UGT2B15: variants seen among roughly 807,000 people sequenced by gnomAD.
The protein encoded by UGT2B15 is UDP-glucuronosyltransferase 2B15.
A neutral mutation model predicts 45.9 loss-of-function variants in UGT2B15; 36 were observed. That is an observed-to-expected ratio of 0.78 (90% CI 0.60 to 1.04). UGT2B15 has a LOEUF of 1.04. Ranked by LOEUF, UGT2B15 falls within the 50% of genes least tolerant of loss-of-function variation. UGT2B15 has a pLI of 0.00. For synonymous variants in UGT2B15, 219 were observed against 216.4 expected, an observed-to-expected ratio of 1.01 and a Z score of -0.11; for missense variants, 617 against 622.4, an observed-to-expected ratio of 0.99 and a Z score of 0.09.
In UGT2B15 at chr4:68,670,085, G is replaced by C; in HGVS notation, c.534C>G (p.Gly178=). ...PFLYSLRFSV[G]YTFEKNGGGF... is the part of the protein sequence containing the mutation. ...CTCCACCATTCTTCTCAAATGTGTA[G>C]CCAACAGAGAATCGAAGACTGTACA... Residue 178 remains glycine, a synonymous_variant, in exon 1 of 6, where the codon GGC becomes GGG. Transcript: ENST00000338206. 1 of 1,614,104 alleles carries C rather than the reference G, an allele frequency of 6.2e-7. No individual in the cohort carries two copies. The highest frequency in any genetic ancestry group is 8.5e-7 in the Non-Finnish European group (1 of 1,179,998).
At chr4:68,648,008 C>T (rs1388649678) in intron 5 of UGT2B15, among the ~76,000 whole-genome samples, 1 of 152,026 alleles carries the variant, frequency 6.6e-6, no homozygotes, top group Non-Finnish European at 1.5e-5. Context: ...AGACATGAAC[C>T]ACTGTGCCCA....
chr4:68,657,622 G>T (rs555882559), intron 3 of UGT2B15, among the ~76,000 whole-genome samples: 1 of 152,078 alleles, frequency 6.6e-6, no homozygotes, highest in Non-Finnish European at 1.5e-5. Context: ...CAGAGTTTAT[G>T]TAAAATGAAG....
intron 3 of UGT2B15, among the ~76,000 whole-genome samples, chr4:68,661,492 C>T (rs528941523): frequency 6.6e-6 from 1 of 151,918 alleles, no homozygotes; most frequent in South Asian, 2.1e-4. Context: ...ATTTTATATA[C>T]TTTATACTAG....
chr4:68,654,132 G>C lies in UGT2B15; in HGVS notation c.1218C>G (p.His406Gln). 1.4e-5 allele frequency: 23 copies of C among 1,613,662 alleles called. 1 individual carries two copies. The highest frequency in any genetic ancestry group is 1.9e-5 in the Non-Finnish European group (23 of 1,179,726). Reference protein sequence around the residue: ...LFADQHDNIAHMKAKGAALSV... With the variant: ...LFADQHDNIAQMKAKGAALSV... ...TGAGGGCTGCTCCCTTGGCTTTCAT[G>C]TGAGCAATGTTATCATGTTGATCCG... The change falls in exon 5 of 6, where the codon CAC (histidine) becomes CAG (glutamine). Residue 406 changes from histidine to glutamine, a missense_variant. Coordinates refer to ENST00000338206, the MANE Select transcript of UGT2B15 (RefSeq NM_001076.4).
rs1305093061 is a variant in UGT2B15 at position 68,655,103 on chromosome 4, T to A, written c.1085A>T (p.Asp362Val). The change falls in exon 4 of 6, where the codon GAC becomes GTC. Residue 362 changes from aspartate (D) to valine (V), a missense_variant. Coordinates refer to ENST00000338206, the MANE Select transcript of UGT2B15 (RefSeq NM_001076.4). ...GTTCTCCAGAATCTTACCAAGAAGG[T>A]CATTCTGGGGTAACCACTTGTACAG... is the stretch of plus-strand genomic sequence containing the variant. The part of the protein sequence containing the change: ...TRLYKWLPQN[D>V]LLGHPKTKAF... 2 of 1,613,102 alleles carry A rather than the reference T, an allele frequency of 1.2e-6. No individual in the cohort carries two copies.
Position 68,669,828 on chromosome 4 carries a change from A to G in UGT2B15, c.724+67T>C, listed in dbSNP as rs745754272. 422 of 1,527,274 alleles carry G rather than the reference A, an allele frequency of 2.8e-4. 1 individual carries two copies. Among genetic ancestry groups the G allele is most frequent in the Non-Finnish European group, 3.5e-4 (399 of 1,141,388 alleles). 94.6% of individuals were successfully genotyped at this position (1,527,274 alleles called of 1,614,324 possible). On this transcript the variant is annotated intron_variant, in intron 1 of 5. Transcript: ENST00000338206. ...CACTATCTTCTGACATTATATTTAT[A>G]TAAGCTCACCTTCAAAGGCACAGAA...
intron 3 of UGT2B15, among the ~76,000 whole-genome samples, chr4:68,658,732 C>T (rs1314592738): frequency 1.3e-5 from 2 of 151,982 alleles, no homozygotes; most frequent in African/African-American, 4.8e-5. Context: ...TATTTCAAAG[C>T]TAAACCATAA....
chr4:68,664,266 CA>C (rs151053424), intron 2 of UGT2B15, among the ~76,000 whole-genome samples: 44 of 142,870 alleles, frequency 3.1e-4, no homozygotes, highest in African/African-American at 3.6e-4. Context: ...ATTCTCACAC[CA>C]AAAAAAAAAA....
At chr4:68,649,055 A>G (rs1375016794) in intron 5 of UGT2B15, among the ~76,000 whole-genome samples, 1 of 151,936 alleles carries the variant, frequency 6.6e-6, no homozygotes, top group East Asian at 1.9e-4. Context: ...AGAGAAAGGC[A>G]CATTTATAAT....
At chr4:68,665,566 A>G (rs570249841) in intron 2 of UGT2B15, among the ~76,000 whole-genome samples, 1 of 152,324 alleles carries the variant, frequency 6.6e-6, no homozygotes, top group East Asian at 1.9e-4. Context: ...TTATAAAGGC[A>G]ATGCCTATAT....
At chr4:68,659,471 G>C (rs867529999) in intron 3 of UGT2B15, among the ~76,000 whole-genome samples, 2 of 151,868 alleles carry the variant, frequency 1.3e-5, no homozygotes, top group Admixed American at 6.6e-5. Context: ...TGGTCTTTTT[G>C]AGCTGTATTT....
intron 5 of UGT2B15, 35 bp from the exon 6 acceptor site, chr4:68,647,418 G>A (rs1330903542): frequency 8.2e-6 from 13 of 1,581,362 alleles, no homozygotes; most frequent in African/African-American, 2.7e-5. Flanking sequence ...AACATTAAAA[G>A]TAAATTTATT....
At position 68,655,159 on chromosome 4, in the gene UGT2B15, C is replaced by G. The variant is rs147708073; in HGVS notation, c.1029G>C (p.Lys343Asn). Residue 343 changes from lysine to asparagine, a missense_variant, in exon 4 of 6, where the codon AAG becomes AAC. Physicochemically the swap from Lys to Asn is moderately conservative, Grantham distance 94. Around this residue, in one of 3 missense-constraint regions of UGT2B15, gnomAD observed 265 missense variants for 245.1 expected, o/e 1.08. Coordinates refer to ENST00000338206, the MANE Select transcript of UGT2B15 (RefSeq NM_001076.4). ...PQKVLWRFDGKKPNTLGSNTR... is the reference protein window; with the variant it reads ...PQKVLWRFDGNKPNTLGSNTR... ...TATTGGAACCTAAAGTATTTGGCTT[C>G]TTGCCATCAAATCTCCATAGAACCT... is the stretch of plus-strand genomic sequence containing the variant. 1.2e-6 allele frequency: 2 copies of G among 1,613,226 alleles called. No homozygotes were observed. Among genetic ancestry groups the G allele is most frequent in the Admixed American group, 3.3e-5 (2 of 59,902 alleles).
chr4:68,648,327 A>T (rs1732544844), intron 5 of UGT2B15, among the ~76,000 whole-genome samples: 1 of 151,808 alleles, frequency 6.6e-6, no homozygotes, highest in Non-Finnish European at 1.5e-5. Context: ...TTTTCTCTAA[A>T]CTCCTGAAGG....
chr4:68,650,866 T>C (rs1437232921), intron 5 of UGT2B15, among the ~76,000 whole-genome samples: 2 of 152,100 alleles, frequency 1.3e-5, no homozygotes, highest in African/African-American at 2.4e-5. Flanking sequence ...TTGTATCTCA[T>C]TGTGGTTTTG....
chr4:68,647,292 T>C lies in UGT2B15; in HGVS notation c.1405A>G (p.Met469Val). 1 of 1,613,964 alleles carries C rather than the reference T, an allele frequency of 6.2e-7. No homozygotes were observed. Among genetic ancestry groups the C allele is most frequent in the Non-Finnish European group, 8.5e-7 (1 of 1,179,896 alleles). ...AGGTGCTTGGCTCCTTTGTGGCGCA[T>C]GACAAACTCAATCCAGAAGACTGCT... ...DRAVFWIEFV[M>V]RHKGAKHLRV... The change falls in exon 6 of 6, where the codon ATG (methionine) becomes GTG (valine). Residue 469 changes from methionine to valine, a missense_variant. This residue lies in a region of UGT2B15 where 265 missense variants were observed against 245.1 expected (regional missense o/e 1.08). Transcript: ENST00000338206.
chr4:68,659,439 T>A (rs542842672), intron 3 of UGT2B15, among the ~76,000 whole-genome samples: 2 of 152,112 alleles, frequency 1.3e-5, no homozygotes, highest in East Asian at 3.9e-4. Flanking sequence ...ACAGGAAACA[T>A]TGTCAAATAT....
chr4:68,670,212 T>C lies in UGT2B15; in HGVS notation c.407A>G (p.Lys136Arg), dbSNP rs771834717. Residue 136 changes from lysine (K) to arginine (R), a missense_variant, in exon 1 of 6, where the codon AAA becomes AGA. This residue lies in a region of UGT2B15 where 351 missense variants were observed against 342.1 expected (regional missense o/e 1.03). Transcript: ENST00000338206. The stretch of plus-strand genomic sequence containing the variant: ...TGACTCTTGTAGTTTCATCATAAGT[T>C]TCTTATTCAAAACTGCATCTTTACA... ...KLCKDAVLNK[K>R]LMMKLQESKF... 1.2e-6 allele frequency: 2 copies of C among 1,613,994 alleles called. No individual in the cohort carries two copies. Among genetic ancestry groups the C allele is most frequent in the African/African-American group, 2.7e-5 (2 of 75,038 alleles).
At chr4:68,655,318 A>G (rs920181955) in intron 3 of UGT2B15, 136 bp from the exon 4 acceptor site, 4 of 1,110,774 alleles carry the variant, frequency 3.6e-6, no homozygotes, top group Non-Finnish European at 5.1e-6. Context: ...GATGTCAAGT[A>G]ATGAGAACTA....
Sources: gnomAD v4.1 joint callset for allele counts (sites outside exome capture counted in the v4.1 genomes callset) on GRCh38, gnomAD v4.1.1 for gene constraint, gnomAD v4.1.1 regional missense constraint, MANE v1.5 for transcripts, NCBI Gene and HGNC (gene_info 2026-07-23, HGNC 2026-07-21) for gene names.